Variants in BICC1 observed in about 807,000 individuals in gnomAD.
BICC1 encodes BicC family RNA binding protein 1.
Under a neutral mutation model 111.0 loss-of-function variants are expected in BICC1, and 43 were observed. The ratio of observed to expected loss-of-function variants is 0.39; its 90% CI spans 0.30 to 0.50. The LOEUF (loss-of-function observed/expected upper bound fraction) is 0.50. Ranked by LOEUF, BICC1 falls within the 20% of genes least tolerant of loss-of-function variation. The pLI, the probability that BICC1 is intolerant of heterozygous loss-of-function variation, is 0.88. For missense variants in BICC1, 1,091 were observed against 1,203.2 expected (o/e 0.91, Z 1.38); for synonymous variants, 467 against 434.4 (o/e 1.07, Z -0.93).
intron 2 of BICC1, among the ~76,000 whole-genome samples, chr10:58,697,287 C>T (rs539460873): frequency 1.1e-4 from 17 of 152,282 alleles, no homozygotes; most frequent in African/African-American, 3.8e-4. Flanking sequence ...ACAATATCCT[C>T]TTGAAAAAGT....
At chr10:58,577,301 A>G (rs1844141802) in intron 1 of BICC1, among the ~76,000 whole-genome samples, 3 of 152,210 alleles carry the variant, frequency 2.0e-5, no homozygotes, top group African/African-American at 4.8e-5. Flanking sequence ...GGCACCAACT[A>G]GTAAGTAATG....
intron 1 of BICC1, among the ~76,000 whole-genome samples, chr10:58,518,721 A>G (rs990368387): frequency 1.3e-5 from 2 of 152,062 alleles, no homozygotes; most frequent in African/African-American, 2.4e-5. Context: ...ATTAAGTGAA[A>G]AAACACATCA....
chr10:58,608,854 TAAAG>T (rs774018924), intron 1 of BICC1, among the ~76,000 whole-genome samples: 1 of 152,190 alleles, frequency 6.6e-6, no homozygotes, highest in Non-Finnish European at 1.5e-5. Context: ...TATAAATAAA[TAAAG>T]AAATACATAA....
At chr10:58,667,418 T>C (rs551373442) in intron 2 of BICC1, among the ~76,000 whole-genome samples, 2 of 152,112 alleles carry the variant, frequency 1.3e-5, no homozygotes, top group East Asian at 1.9e-4. Flanking sequence ...ATAGCAAAAG[T>C]AGAAGTCTTT....
chr10:58,710,131 A>G (rs544234055), intron 3 of BICC1, among the ~76,000 whole-genome samples: 2 of 152,250 alleles, frequency 1.3e-5, no homozygotes, highest in South Asian at 4.1e-4. Flanking sequence ...ATACCACCAA[A>G]CTCTATGAGT....
intron 12 of BICC1, 116 bp downstream of exon 12, chr10:58,799,368 A>T (rs1246556178): frequency 3.0e-6 from 2 of 658,662 alleles, no homozygotes; most frequent in Non-Finnish European, 4.5e-6. Context: ...TTTGTAAGAG[A>T]TAAACCCCTG....
chr10:58,782,067 T>C (rs982817872), intron 3 of BICC1, among the ~76,000 whole-genome samples: 2 of 152,230 alleles, frequency 1.3e-5, no homozygotes, highest in Non-Finnish European at 2.9e-5. Flanking sequence ...TTTATATTTT[T>C]GGTCACTAGA....
At chr10:58,632,021 A>G (rs1473155580) in intron 2 of BICC1, among the ~76,000 whole-genome samples, 2 of 152,118 alleles carry the variant, frequency 1.3e-5, no homozygotes. Flanking sequence ...TTCAGTCAGT[A>G]TGTTGAGAGG....
At chr10:58,809,093 C>T (rs1589160896) in intron 17 of BICC1, among the ~76,000 whole-genome samples, 1 of 151,974 alleles carries the variant, frequency 6.6e-6, no homozygotes, top group Non-Finnish European at 1.5e-5. Context: ...CAGGATCTCG[C>T]CTCACTGCAA....
At chr10:58,557,748 T>G (rs1843492364) in intron 1 of BICC1, among the ~76,000 whole-genome samples, 1 of 152,124 alleles carries the variant, frequency 6.6e-6, no homozygotes. Flanking sequence ...TTTCTCTAGC[T>G]TTTTAAATAC....
chr10:58,529,288 G>A (rs1325620445), intron 1 of BICC1, among the ~76,000 whole-genome samples: 1 of 151,826 alleles, frequency 6.6e-6, no homozygotes, highest in African/African-American at 2.4e-5. Flanking sequence ...GAGTTGCAGG[G>A]CAGGAAAATG....
chr10:58,577,519 T>C (rs1844148937), intron 1 of BICC1, among the ~76,000 whole-genome samples: 1 of 152,218 alleles, frequency 6.6e-6, no homozygotes, highest in Non-Finnish European at 1.5e-5. Context: ...AGTATCTGTT[T>C]CCAGAAACAT....
At chr10:58,529,346 C>G (rs1041943046) in intron 1 of BICC1, among the ~76,000 whole-genome samples, 1 of 151,836 alleles carries the variant, frequency 6.6e-6, no homozygotes, top group Non-Finnish European at 1.5e-5. Flanking sequence ...ACATCTGTAT[C>G]TGTCCAGATT....
At chr10:58,634,987 G>T (rs1325589572) in intron 2 of BICC1, among the ~76,000 whole-genome samples, 4 of 152,088 alleles carry the variant, frequency 2.6e-5, no homozygotes, top group Non-Finnish European at 5.9e-5. Flanking sequence ...AAAAAGAGGA[G>T]AGGTTGGTCT....
chr10:58,810,892 A>G (rs1025497738), intron 17 of BICC1, among the ~76,000 whole-genome samples: 8 of 152,222 alleles, frequency 5.3e-5, no homozygotes, highest in Non-Finnish European at 1.2e-4. Context: ...TGTTTGACCA[A>G]TAGGTCCTGA....
chr10:58,736,792 T>G (rs2132582727), intron 3 of BICC1, among the ~76,000 whole-genome samples: 1 of 152,314 alleles, frequency 6.6e-6, no homozygotes, highest in South Asian at 2.1e-4. Flanking sequence ...AACAGTAGTC[T>G]TTGTGATTAC....
At chr10:58,659,280 A>G (rs1252297816) in intron 2 of BICC1, among the ~76,000 whole-genome samples, 2 of 152,216 alleles carry the variant, frequency 1.3e-5, no homozygotes, top group Non-Finnish European at 2.9e-5. Flanking sequence ...AAAGATGCAT[A>G]TGTATGTTCA....
At chr10:58,651,642 T>G in intron 2 of BICC1, among the ~76,000 whole-genome samples, 1 of 152,212 alleles carries the variant, frequency 6.6e-6, no homozygotes, top group Non-Finnish European at 1.5e-5. Flanking sequence ...ATGTTTTTGT[T>G]TCTTTTGTGC....
intron 1 of BICC1, among the ~76,000 whole-genome samples, chr10:58,612,479 T>C (rs958929417): frequency 6.6e-6 from 1 of 152,160 alleles, no homozygotes; most frequent in African/African-American, 2.4e-5. Context: ...AATAAGGGAA[T>C]GTTTTAAATT....
Sources: gnomAD v4.1 joint callset for allele counts (sites outside exome capture counted in the v4.1 genomes callset) on GRCh38, gnomAD v4.1.1 for gene constraint, MANE v1.5 for transcripts, NCBI Gene and HGNC (gene_info 2026-07-23, HGNC 2026-07-21) for gene names.